Variants in RBFOX1 observed in about 807,000 individuals in gnomAD.
The protein encoded by RBFOX1 is RNA binding protein fox-1 homolog 1.
In RBFOX1, 8 loss-of-function variants were observed where a neutral mutation model predicts 57.7. That is an observed-to-expected ratio of 0.14 (90% CI 0.08 to 0.25). RBFOX1 has a LOEUF of 0.25. Ranked by LOEUF, RBFOX1 falls within the 10% of genes least tolerant of loss-of-function variation. The pLI, the probability that RBFOX1 is intolerant of heterozygous loss-of-function variation, is 1.00. For missense variants in RBFOX1, 611 were observed against 548.5 expected (o/e 1.11, Z -1.14); for synonymous variants, 326 against 222.4 (o/e 1.47, Z -4.15).
chr16:7,441,606 TC>T (rs952013533), intron 4 of RBFOX1, among the ~76,000 whole-genome samples: 17 of 152,298 alleles, frequency 1.1e-4, no homozygotes, highest in Non-Finnish European at 2.4e-4. Flanking sequence ...TTTGCTTTTT[TC>T]CCCCCTGTTA....
rs756342526 is a variant in RBFOX1, at chr16:7,273,196, T to TCCTC, written c.27+221106_27+221109dup. On this transcript the variant is annotated intron_variant, in intron 4 of 15. Transcript: ENST00000550418. ...TCCCTCCCTTCCTTCCTCCCTTCCT[T>TCCTC]CCTCCCTCCCTTCCTTCCTTCCTTC... 1.9e-3 allele frequency among the ~76,000 whole-genome samples: 96 copies of TCCTC among 50,676 alleles called. 5 individuals are homozygous for TCCTC. The highest frequency in any genetic ancestry group is 7.3e-3 in the East Asian group (13 of 1,782). The allele number at this position is 50,676 out of a possible 152,430, so 33.2% of individuals were successfully genotyped here. A position where few individuals can be genotyped will look rare whatever the true frequency, so the allele number is the denominator to read the frequency against.
At chr16:6,867,580 G>A (rs926132236) in intron 3 of RBFOX1, among the ~76,000 whole-genome samples, 4 of 152,068 alleles carry the variant, frequency 2.6e-5, no homozygotes, top group African/African-American at 9.7e-5. Flanking sequence ...TTAGCCAGGC[G>A]TGGTGGTACC....
intron 3 of RBFOX1, among the ~76,000 whole-genome samples, chr16:6,849,264 C>G (rs1262010497): frequency 1.3e-5 from 2 of 152,160 alleles, no homozygotes; most frequent in African/African-American, 2.4e-5. Context: ...TCCGTGGCAC[C>G]TAAAAGTTAG....
chr16:5,429,542 G>C (rs769080176), intron 1 of RBFOX1, among the ~76,000 whole-genome samples: 2 of 152,192 alleles, frequency 1.3e-5, no homozygotes, highest in African/African-American at 2.4e-5. Context: ...CCAAGACAGG[G>C]ACCATTCCGA....
chr16:6,848,514 G>A (rs779927033), intron 3 of RBFOX1, among the ~76,000 whole-genome samples: 1 of 151,788 alleles, frequency 6.6e-6, no homozygotes, highest in Non-Finnish European at 1.5e-5. Flanking sequence ...GACATTATTG[G>A]TCAAATCTAA....
intron 3 of RBFOX1, among the ~76,000 whole-genome samples, chr16:6,710,723 G>T (rs560115651): frequency 2.0e-5 from 3 of 152,220 alleles, no homozygotes; most frequent in African/African-American, 7.2e-5. Context: ...TTGCCCTCGG[G>T]TGGCCCATTA....
At chr16:7,097,253 A>G (rs1321168329) in intron 4 of RBFOX1, among the ~76,000 whole-genome samples, 1 of 152,122 alleles carries the variant, frequency 6.6e-6, no homozygotes, top group African/African-American at 2.4e-5. Context: ...TGTGGTGGTT[A>G]GAAGGCCATT....
intron 3 of RBFOX1, among the ~76,000 whole-genome samples, chr16:5,713,375 G>C (rs1267612881): frequency 6.6e-6 from 1 of 152,144 alleles, no homozygotes; most frequent in African/African-American, 2.4e-5. Context: ...GCGTTTAAGA[G>C]CTCTTCTTGC....
chr16:7,332,884 T>G, intron 4 of RBFOX1: 3 of 1,561,912 alleles, frequency 1.9e-6, no homozygotes, highest in Non-Finnish European at 2.6e-6. Flanking sequence ...GCTTGGCTCC[T>G]GACAGAAGGG....
intron 4 of RBFOX1, among the ~76,000 whole-genome samples, chr16:5,901,375 C>T (rs2058301777): frequency 6.6e-6 from 1 of 152,152 alleles, no homozygotes; most frequent in African/African-American, 2.4e-5. Flanking sequence ...CGATGACTTC[C>T]CAGAGCTGAG....
chr16:7,148,270 T>A (rs1317599779), intron 4 of RBFOX1, among the ~76,000 whole-genome samples: 1 of 152,204 alleles, frequency 6.6e-6, no homozygotes, highest in African/African-American at 2.4e-5. Context: ...CACTCTGGCA[T>A]GCTCTTGGTA....
At chr16:5,379,050 C>T (rs1206068612) in intron 1 of RBFOX1, among the ~76,000 whole-genome samples, 1 of 151,422 alleles carries the variant, frequency 6.6e-6, no homozygotes, top group East Asian at 1.9e-4. Context: ...AAAGTAATTG[C>T]AGTTTTTGGC....
At chr16:5,493,340 A>G (rs575733547) in intron 2 of RBFOX1, among the ~76,000 whole-genome samples, 47 of 152,246 alleles carry the variant, frequency 3.1e-4, no homozygotes, top group Non-Finnish European at 1.2e-4. Flanking sequence ...CCAAAGTCCT[A>G]TGACCCACCA....
intron 4 of RBFOX1, among the ~76,000 whole-genome samples, chr16:7,067,906 T>G (rs1008555127): frequency 6.6e-6 from 1 of 151,926 alleles, no homozygotes; most frequent in Non-Finnish European, 1.5e-5. Flanking sequence ...TGGTGTATTT[T>G]ACTGGGTGTG....
chr16:6,016,543 A>G (rs895525544), upstream of RBFOX1, among the ~76,000 whole-genome samples: 2 of 152,220 alleles, frequency 1.3e-5, no homozygotes, highest in Admixed American at 6.5e-5. Flanking sequence ...TTAAAGTAAG[A>G]TGATGAAATT....
At chr16:7,124,547 C>CTCCT (rs1427340696) in intron 4 of RBFOX1, among the ~76,000 whole-genome samples, 2 of 122,322 alleles carry the variant, frequency 1.6e-5, no homozygotes, top group Admixed American at 8.6e-5. Context: ...CCCTCTCTCC[C>CTCCT]TCCCTCCCTC....
intron 2 of RBFOX1, among the ~76,000 whole-genome samples, chr16:6,623,626 A>C (rs375522820): frequency 6.0e-5 from 9 of 151,208 alleles, no homozygotes; most frequent in African/African-American, 2.2e-4. Flanking sequence ...CCCGGTGTCT[A>C]ATGTTCCCCT....
intron 4 of RBFOX1, among the ~76,000 whole-genome samples, chr16:7,196,655 C>T (rs1245226918): frequency 6.6e-6 from 1 of 152,098 alleles, no homozygotes; most frequent in African/African-American, 2.4e-5. Flanking sequence ...GCAAAGGAGA[C>T]AGGCATGTGT....
At chr16:6,823,795 A>C (rs1345924504) in intron 3 of RBFOX1, among the ~76,000 whole-genome samples, 1 of 152,176 alleles carries the variant, frequency 6.6e-6, no homozygotes, top group Non-Finnish European at 1.5e-5. Flanking sequence ...AAAACTAATA[A>C]TAGGAGATTC....
Sources: gnomAD v4.1 joint callset for allele counts (sites outside exome capture counted in the v4.1 genomes callset) on GRCh38, gnomAD v4.1.1 for gene constraint, MANE v1.5 for transcripts, NCBI Gene and HGNC (gene_info 2026-07-23, HGNC 2026-07-21) for gene names.